FBXW11: variants seen among roughly 807,000 people sequenced by gnomAD.
The protein encoded by FBXW11 is F-box and WD repeat domain containing 11, also known as F-box/WD repeat-containing protein 11.
A neutral mutation model predicts 77.6 loss-of-function variants in FBXW11; 19 were observed. The observed-to-expected ratio is 0.24, with a 90% CI of 0.17 to 0.36. The LOEUF (loss-of-function observed/expected upper bound fraction) is 0.36, where lower values mean the gene tolerates loss of function less well. Ranked by LOEUF, FBXW11 falls within the 10% of genes least tolerant of loss-of-function variation. The pLI, the probability that FBXW11 is intolerant of heterozygous loss-of-function variation, is 1.00. For missense variants in FBXW11, 334 were observed against 704.2 expected, an observed-to-expected ratio of 0.47 and a Z score of 5.95; for synonymous variants, 235 against 249.4, an observed-to-expected ratio of 0.94 and a Z score of 0.54.
chr5:171,950,304 T>C (rs547452251), intron 2 of FBXW11, among the ~76,000 whole-genome samples: 1 of 152,176 alleles, frequency 6.6e-6, no homozygotes, highest in Non-Finnish European at 1.5e-5. Flanking sequence ...AATTTAGCCA[T>C]ACCTATCAAA....
intron 2 of FBXW11, among the ~76,000 whole-genome samples, chr5:171,941,149 A>G (rs1439104645): frequency 6.6e-6 from 1 of 152,226 alleles, no homozygotes; most frequent in Non-Finnish European, 1.5e-5. Flanking sequence ...AGAAGGCTTG[A>G]TAGACATTTC....
intron 2 of FBXW11, among the ~76,000 whole-genome samples, chr5:171,936,077 C>G (rs561807909): frequency 7.2e-6 from 1 of 138,988 alleles, no homozygotes; most frequent in East Asian, 2.2e-4. Context: ...TGCCACTGCA[C>G]TCTAGCCTGG....
chr5:171,996,864 C>T, intron 1 of FBXW11: 3 of 1,237,746 alleles, frequency 2.4e-6, no homozygotes, highest in Non-Finnish European at 3.1e-6. Flanking sequence ...TTCCACAAAA[C>T]AAAACAATAC....
At chr5:171,934,071 G>C (rs1762353535) in intron 2 of FBXW11, among the ~76,000 whole-genome samples, 2 of 152,328 alleles carry the variant, frequency 1.3e-5, no homozygotes, top group South Asian at 4.1e-4. Flanking sequence ...TACCATTCCT[G>C]TCATGTATGA....
At chr5:171,933,235 A>T (rs540763078) in intron 2 of FBXW11, among the ~76,000 whole-genome samples, 35 of 151,908 alleles carry the variant, frequency 2.3e-4, no homozygotes, top group Middle Eastern at 3.4e-3. Context: ...AAACTTAAAC[A>T]TCTATTATTA....
intron 2 of FBXW11, chr5:171,916,351 T>G: frequency 1.4e-6 from 1 of 735,400 alleles, no homozygotes; most frequent in Non-Finnish European, 1.7e-6. Context: ...TGGCCGCCTA[T>G]GGGGAAAACC....
intron 1 of FBXW11, among the ~76,000 whole-genome samples, chr5:172,005,707 T>C (rs1766708304): frequency 6.6e-6 from 1 of 151,834 alleles, no homozygotes; most frequent in Non-Finnish European, 1.5e-5. Context: ...GATGGCTCCC[T>C]CCCCAGTCAT....
Position 171,861,987 on chromosome 5 carries a change from A to G in FBXW11, c.*2140T>C, listed in dbSNP as rs1581108376. 6.6e-6 allele frequency: 1 copy of G among 152,646 alleles called. No homozygotes were observed. Among genetic ancestry groups the G allele is most frequent in the Non-Finnish European group, 1.5e-5 (1 of 68,034 alleles). The allele number at this position is 152,646 out of a possible 1,614,324, so 9.5% of individuals were successfully genotyped here. ...TCCTTGGGTGCCAAAGTCCCCTGCT[A>G]TAATTTAGTAGGCACAATTCAAAGG... On this transcript the variant is annotated 3_prime_UTR_variant, in exon 14 of 14. Coordinates refer to ENST00000517395, the MANE Select transcript of FBXW11 (RefSeq NM_001378974.1).
intron 1 of FBXW11, chr5:171,996,756 G>A: frequency 1.8e-6 from 1 of 546,624 alleles, no homozygotes; most frequent in Non-Finnish European, 2.8e-6. Flanking sequence ...GGCCAAACAT[G>A]ACACTACGCA....
chr5:171,967,028 T>C (rs937844987), intron 1 of FBXW11, among the ~76,000 whole-genome samples: 1 of 152,222 alleles, frequency 6.6e-6, no homozygotes, highest in Non-Finnish European at 1.5e-5. Flanking sequence ...TCTTCCCTTA[T>C]CTATAATTGC....
chr5:172,006,417 G>A lies in FBXW11; in HGVS notation c.45+41C>T, dbSNP rs776769517. On this transcript the variant is annotated intron_variant, in intron 1 of 13. Coordinates refer to ENST00000517395, the MANE Select transcript of FBXW11 (RefSeq NM_001378974.1). ...GAGGTGGGCAGGCCCGCCCGGGGCC[G>A]GACGGACGGAAGCACAGACGGTCCA... is the stretch of plus-strand genomic sequence containing the variant. 5.6e-5 allele frequency: 84 copies of A among 1,506,028 alleles called. 1 individual carries two copies. The highest frequency in any genetic ancestry group is 7.4e-5 in the South Asian group (6 of 80,994). The allele number at this position is 1,506,028 out of a possible 1,614,324, so 93.3% of individuals were successfully genotyped here. A position where few individuals can be genotyped will look rare whatever the true frequency, so the allele number is the denominator to read the frequency against.
chr5:171,898,057 C>T (rs1238485064), intron 6 of FBXW11, among the ~76,000 whole-genome samples: 1 of 152,146 alleles, frequency 6.6e-6, no homozygotes, highest in Non-Finnish European at 1.5e-5. Flanking sequence ...ATATTCAAGA[C>T]AGTTTGGGCT....
intron 13 of FBXW11, among the ~76,000 whole-genome samples, chr5:171,867,492 A>T (rs1023375090): frequency 1.7e-5 from 2 of 119,334 alleles, no homozygotes. Flanking sequence ...GAGACTAATT[A>T]AAAAAAAAAA....
At chr5:171,951,639 T>G (rs541655636) in intron 2 of FBXW11, among the ~76,000 whole-genome samples, 30 of 152,224 alleles carry the variant, frequency 2.0e-4, no homozygotes, top group East Asian at 1.2e-3. Flanking sequence ...TACAGGTGCA[T>G]GCCACCATAC....
At chr5:171,996,319 T>TATTAGA (rs1475103869) in intron 1 of FBXW11, among the ~76,000 whole-genome samples, 2 of 152,234 alleles carry the variant, frequency 1.3e-5, no homozygotes, top group African/African-American at 4.8e-5. Flanking sequence ...AACATATGTC[T>TATTAGA]CTGTTTACTG....
chr5:171,991,739 G>A (rs2113559007), intron 1 of FBXW11, among the ~76,000 whole-genome samples: 1 of 152,290 alleles, frequency 6.6e-6, no homozygotes, highest in South Asian at 2.1e-4. Context: ...TATTACAGTA[G>A]AAGAGAAAGT....
chr5:171,870,344 CAAAAAGGGAA>C (rs998270807), intron 11 of FBXW11, among the ~76,000 whole-genome samples: 13 of 151,028 alleles, frequency 8.6e-5, no homozygotes, highest in African/African-American at 1.5e-4. Flanking sequence ...TTCAATTTAC[CAAAAAGGGAA>C]AAAAAGGGAA....
At chr5:171,955,306 T>C (rs1763551779) in intron 2 of FBXW11, among the ~76,000 whole-genome samples, 1 of 152,202 alleles carries the variant, frequency 6.6e-6, no homozygotes, top group African/African-American at 2.4e-5. Flanking sequence ...AGGGGGACTC[T>C]TTCATGGAAC....
chr5:171,894,426 G>A (rs1453338444), intron 6 of FBXW11, among the ~76,000 whole-genome samples: 1 of 152,202 alleles, frequency 6.6e-6, no homozygotes, highest in East Asian at 1.9e-4. Context: ...ATTTTACAAA[G>A]TCCTCGCCTA....
Sources: allele counts gnomAD v4.1 joint callset (sites outside exome capture counted in the v4.1 genomes callset), GRCh38; gene constraint gnomAD v4.1.1; transcripts MANE v1.5; gene names NCBI Gene and HGNC (gene_info 2026-07-23, HGNC 2026-07-21).